The following PGM5 variants were observed in gnomAD, a reference collection of about 807,000 sequenced individuals.
The protein encoded by PGM5 is phosphoglucomutase-like protein 5.
PGM5 carries 23 observed loss-of-function variants against 59.2 expected under a neutral mutation model. The ratio of observed to expected loss-of-function variants is 0.39; its 90% confidence interval spans 0.28 to 0.55. PGM5 has a LOEUF of 0.55. Among genes scored for constraint, PGM5 ranks in the 20% least tolerant of loss-of-function variants. PGM5 has a pLI of 0.66. For missense variants in PGM5, 574 were observed against 748.3 expected (o/e 0.77, Z 2.72); for synonymous variants, 214 against 286.0 (o/e 0.75, Z 2.54).
chr9:68,367,569 G>A (rs1834704350), intron 1 of PGM5, among the ~76,000 whole-genome samples: 1 of 152,178 alleles, frequency 6.6e-6, no homozygotes, highest in African/African-American at 2.4e-5. Flanking sequence ...TGGTTAGGAG[G>A]CATAATCTTT....
chr9:68,435,584 G>A (rs1823430927), intron 6 of PGM5, among the ~76,000 whole-genome samples: 1 of 152,126 alleles, frequency 6.6e-6, no homozygotes, highest in South Asian at 2.1e-4. Flanking sequence ...CAGTGTTGTA[G>A]CATGTATCAG....
At position 68,356,834 on chromosome 9, in the gene PGM5, G is replaced by T; in HGVS notation, c.-294G>T. ...ACACCCCGAAAGTGAGTCCAACTTG[G>T]GGAGAAACTGAGGGCAGCTCGGGCG... On this transcript the variant is annotated 5_prime_UTR_variant, in exon 1 of 11. Transcript: ENST00000396396. The T allele has an allele frequency of 2.9e-6, 1 of 349,672 alleles. No individual in the cohort carries two copies. The allele number at this position is 349,672 out of a possible 1,614,324, so 21.7% of individuals were successfully genotyped here. A position where few individuals can be genotyped will look rare whatever the true frequency, so the allele number is the denominator to read the frequency against.
At position 68,387,615 on chromosome 9, in the gene PGM5, G is replaced by A. The variant is rs1554678996; in HGVS notation, c.697+27G>A. 1.9e-6 allele frequency: 3 copies of A among 1,610,300 alleles called. No homozygotes were observed. The African/African-American group carries it at 4.0e-5, about 22-fold the overall frequency. On this transcript the variant is annotated intron_variant, in intron 4 of 10. Transcript: ENST00000396396. ...TAAGCTTGTGATTTTCTCCAAATCAGTGGGCAGGAAATATTGAGACCTGTA... is the reference window on the plus strand; with the variant it reads ...TAAGCTTGTGATTTTCTCCAAATCAATGGGCAGGAAATATTGAGACCTGTA...
At chr9:68,420,904 T>C (rs1388112001) in intron 6 of PGM5, among the ~76,000 whole-genome samples, 1 of 152,222 alleles carries the variant, frequency 6.6e-6, no homozygotes, top group Non-Finnish European at 1.5e-5. Flanking sequence ...AATGCACAGA[T>C]GGTTTTGAAT....
At position 68,369,136 on chromosome 9, in the gene PGM5, G is replaced by T. The variant is rs571042334; in HGVS notation, c.262-9063G>T. ...GTGACATGGAAAGATTGACTCAAGGGCAAGTGAAACGTGTCAAGAGTCTGT... is the reference window on the plus strand; with the variant it reads ...GTGACATGGAAAGATTGACTCAAGGTCAAGTGAAACGTGTCAAGAGTCTGT... On this transcript the variant is annotated intron_variant, in intron 1 of 10. Coordinates refer to ENST00000396396, the MANE Select transcript of PGM5 (RefSeq NM_021965.4). Among the ~76,000 whole-genome samples, 147 of 152,296 alleles carry T rather than the reference G, an allele frequency of 9.7e-4. 1 individual carries two copies. The highest frequency in any genetic ancestry group is 1.5e-4 in the Non-Finnish European group (10 of 68,020).
intron 6 of PGM5, among the ~76,000 whole-genome samples, chr9:68,407,959 T>C (rs1554681288): frequency 6.6e-6 from 1 of 152,238 alleles, no homozygotes. Flanking sequence ...AACCCCAATT[T>C]ATCATTATTA....
chr9:68,502,206 G>T (rs534758999), intron 10 of PGM5, among the ~76,000 whole-genome samples: 3 of 152,150 alleles, frequency 2.0e-5, no homozygotes, highest in Non-Finnish European at 4.4e-5. Flanking sequence ...GCTTCCAAAG[G>T]CTTGTTGCTG....
chr9:68,360,999 G>A (rs1251040414), intron 1 of PGM5, among the ~76,000 whole-genome samples: 1 of 152,184 alleles, frequency 6.6e-6, no homozygotes, highest in African/African-American at 2.4e-5. Flanking sequence ...GCTCATTGCA[G>A]CCTCAAATTC....
chr9:68,499,808 C>T (rs1183585566), intron 10 of PGM5, among the ~76,000 whole-genome samples: 3 of 152,194 alleles, frequency 2.0e-5, no homozygotes, highest in African/African-American at 4.8e-5. Flanking sequence ...CTACATTGTC[C>T]ACTCTGAGAG....
intron 4 of PGM5, among the ~76,000 whole-genome samples, chr9:68,390,392 G>A (rs1440099856): frequency 6.6e-6 from 1 of 152,168 alleles, no homozygotes; most frequent in African/African-American, 2.4e-5. Context: ...GCTAGAAGAT[G>A]GAGGACGCTG....
At chr9:68,444,062 CTT>C (rs71920005) in intron 6 of PGM5, among the ~76,000 whole-genome samples, 39 of 131,532 alleles carry the variant, frequency 3.0e-4, no homozygotes, top group Admixed American at 3.0e-4. Context: ...TTCTTTCTTT[CTT>C]TTTTTTTTTT....
At chr9:68,418,519 A>G (rs76689484) in intron 6 of PGM5, among the ~76,000 whole-genome samples, 419 of 152,210 alleles carry the variant, frequency 2.8e-3, no homozygotes, top group African/African-American at 9.4e-3. Context: ...AGCTTGTCCT[A>G]AACTGAAAAG....
At chr9:68,460,255 T>C (rs1823838165) in intron 6 of PGM5, among the ~76,000 whole-genome samples, 1 of 152,190 alleles carries the variant, frequency 6.6e-6, no homozygotes, top group African/African-American at 2.4e-5. Flanking sequence ...CATAATGATA[T>C]AGTGCTTTGG....
chr9:68,377,555 G>A (rs1213319285), intron 1 of PGM5, among the ~76,000 whole-genome samples: 13 of 152,180 alleles, frequency 8.5e-5, no homozygotes, highest in Non-Finnish European at 1.9e-4. Flanking sequence ...TAGAAAGTCA[G>A]TTTTGTAGCT....
intron 6 of PGM5, among the ~76,000 whole-genome samples, chr9:68,462,905 A>G (rs920409214): frequency 2.0e-5 from 3 of 152,078 alleles, no homozygotes; most frequent in African/African-American, 4.8e-5. Context: ...AAATAATGTT[A>G]TTATAAAGGT....
At chr9:68,441,185 A>G (rs1311995478) in intron 6 of PGM5, among the ~76,000 whole-genome samples, 1 of 152,076 alleles carries the variant, frequency 6.6e-6, no homozygotes, top group African/African-American at 2.4e-5. Flanking sequence ...ATCCTAGTGC[A>G]AATAAATATA....
intron 6 of PGM5, among the ~76,000 whole-genome samples, chr9:68,454,145 A>T (rs1554684610): frequency 6.6e-6 from 1 of 152,208 alleles, no homozygotes; most frequent in Non-Finnish European, 1.5e-5. Flanking sequence ...GGAGAATGCA[A>T]GCAGGGATTT....
At chr9:68,461,719 A>G (rs1330756036) in intron 6 of PGM5, among the ~76,000 whole-genome samples, 1 of 151,736 alleles carries the variant, frequency 6.6e-6, no homozygotes, top group Non-Finnish European at 1.5e-5. Context: ...AGACTTCCTA[A>G]CCTCTAGAAC....
At chr9:68,497,922 A>G (rs150775089) in intron 9 of PGM5, 2 of 152,366 alleles carry the variant, frequency 1.3e-5, no homozygotes, top group African/African-American at 4.8e-5. Context: ...GAAGAGATAC[A>G]TAGCGAATGG....
Sources: gnomAD v4.1 joint callset for allele counts (sites outside exome capture counted in the v4.1 genomes callset) on GRCh38, gnomAD v4.1.1 for gene constraint, MANE v1.5 for transcripts, NCBI Gene and HGNC (gene_info 2026-07-23, HGNC 2026-07-21) for gene names.